The following TCOF1 variants were observed in gnomAD, a reference collection of about 807,000 sequenced individuals.
The protein encoded by TCOF1 is treacle ribosome biogenesis factor 1.
Under a neutral mutation model 149.0 loss-of-function variants are expected in TCOF1, and 33 were observed. The ratio of observed to expected loss-of-function variants is 0.22; its 90% CI spans 0.17 to 0.30. The LOEUF (loss-of-function observed/expected upper bound fraction) is 0.30. Ranked by LOEUF, TCOF1 falls within the 10% of genes least tolerant of loss-of-function variation. The pLI, the probability that TCOF1 is intolerant of heterozygous loss-of-function variation, is 1.00. For missense variants in TCOF1, 1,728 were observed against 1,840.7 expected (o/e 0.94, Z 1.12); for synonymous variants, 789 against 738.8 (o/e 1.07, Z -1.10).
At chr5:150,384,173 C>T (rs1765803568) in intron 17 of TCOF1, 2 of 1,033,910 alleles carry the variant, frequency 1.9e-6, no homozygotes, top group Non-Finnish European at 2.3e-6. Flanking sequence ...ATGCTGTTTG[C>T]ACACCTCCAG....
chr5:150,365,253 C>CTTTTTTTTT (rs991524826), intron 3 of TCOF1, among the ~76,000 whole-genome samples: 1 of 116,494 alleles, frequency 8.6e-6, no homozygotes, highest in Non-Finnish European at 1.8e-5. Flanking sequence ...CTTTTTCTTT[C>CTTTTTTTTT]TTTTTTTTTT....
At chr5:150,375,297 CT>C in intron 10 of TCOF1, 41 bp from the exon 11 acceptor site, 2 of 1,606,590 alleles carry the variant, frequency 1.2e-6, no homozygotes, top group Non-Finnish European at 1.7e-6. Flanking sequence ...TCACATTCTC[CT>C]TCTGGACTCC....
chr5:150,376,282 A>G lies in TCOF1; in HGVS notation c.2094A>G (p.Glu698=), dbSNP rs34796297. 3.7e-3 allele frequency: 6,033 copies of G among 1,614,126 alleles called. 200 individuals carry two copies. In the African/African-American group the frequency reaches 0.07, roughly 19 times the overall value. ...CAGAGGATTCTTCAAGCAGTGAGGAATCAGATAGTGAGGAAGAGAAGACAG... is the reference window on the plus strand; with the variant it reads ...CAGAGGATTCTTCAAGCAGTGAGGAGTCAGATAGTGAGGAAGAGAAGACAG... The part of the protein sequence containing the change: ...RPAEDSSSSE[E]SDSEEEKTGL... The change falls in exon 13 of 27, where the codon GAA becomes GAG. Residue 698 remains glutamate (E), a synonymous_variant. Coordinates refer to ENST00000643257, the MANE Select transcript of TCOF1 (RefSeq NM_001371623.1).
chr5:150,378,705 G>A (rs1377706252), intron 14 of TCOF1, 200 bp from the exon 15 acceptor site: 2 of 664,466 alleles, frequency 3.0e-6, no homozygotes, highest in Non-Finnish European at 5.2e-6. Context: ...TAACCCGTAG[G>A]TGGGCCTTAT....
intron 17 of TCOF1, chr5:150,385,076 A>G (rs1315741047): frequency 1.0e-6 from 1 of 985,302 alleles, no homozygotes; most frequent in Non-Finnish European, 1.2e-6. Flanking sequence ...TAGGTGATAC[A>G]TATGTTAAAT....
chr5:150,375,324 C>G lies in TCOF1; in HGVS notation c.1489-15C>G. On this transcript the variant is annotated splice_polypyrimidine_tract_variant and intron_variant, in intron 10 of 26. Coordinates refer to ENST00000643257, the MANE Select transcript of TCOF1 (RefSeq NM_001371623.1). ...TCTGGACTCCCTCCCTAATCTTGTC[C>G]TTTGTGTCTCCCAGGTGAAGCCCTT... 6.2e-7 allele frequency: 1 copy of G among 1,610,338 alleles called. No individual in the cohort carries two copies. Among genetic ancestry groups the G allele is most frequent in the East Asian group, 2.2e-5 (1 of 44,814 alleles).
chr5:150,392,246 C>T, intron 21 of TCOF1, 70 bp downstream of exon 21: 1 of 1,517,480 alleles, frequency 6.6e-7, no homozygotes, highest in Non-Finnish European at 9.0e-7. Flanking sequence ...GGAGCCATAG[C>T]TCTGGCCTCA....
intron 3 of TCOF1, 85 bp downstream of exon 3, chr5:150,364,337 C>T (rs1162725597): frequency 6.3e-7 from 1 of 1,584,048 alleles, no homozygotes; most frequent in African/African-American, 1.4e-5. Flanking sequence ...TCTCTTATCA[C>T]TAGAAGACCT....
chr5:150,396,159 C>CT lies in TCOF1; in HGVS notation c.3785-122dup, dbSNP rs1407851932. On this transcript the variant is annotated intron_variant, in intron 23 of 26. Coordinates refer to ENST00000643257, the MANE Select transcript of TCOF1 (RefSeq NM_001371623.1). Reference sequence around the variant, plus strand: ...GGCAGAGTGACCGCCAAGCCTTGCTCTCCCCATCTGTGCCATTGTAAGAAA... The same window carrying CT: ...GGCAGAGTGACCGCCAAGCCTTGCTCTTCCCCATCTGTGCCATTGTAAGAAA... 1.1e-5 allele frequency: 12 copies of CT among 1,135,850 alleles called. No individual in the cohort carries two copies. The East Asian group carries it at 2.8e-4, about 27-fold the overall frequency. 70.4% of individuals were successfully genotyped at this position (1,135,850 alleles called of 1,614,324 possible).
At position 150,358,353 on chromosome 5, in the gene TCOF1, A is replaced by G. The variant is rs191482866; in HGVS notation, c.108+499A>G. Among the ~76,000 whole-genome samples the G allele has an allele frequency of 1.4e-3, 205 of 151,798 alleles. 1 individual carries two copies. The highest frequency in any genetic ancestry group is 3.6e-3 in the South Asian group (17 of 4,786). On this transcript the variant is annotated intron_variant, in intron 1 of 26. Transcript: ENST00000643257. ...CTGTACTGAGACGGTCAGCTTTGGT[A>G]CTCGAACTCGTGGTACAGTCATTTC...
intron 1 of TCOF1, 150 bp downstream of exon 1, chr5:150,358,004 C>T: frequency 1.4e-6 from 1 of 711,152 alleles, no homozygotes; most frequent in South Asian, 1.9e-5. Flanking sequence ...CCGGAGGAGC[C>T]GCAATCTCTG....
chr5:150,379,844 G>A, intron 17 of TCOF1, 112 bp downstream of exon 17: 2 of 1,339,164 alleles, frequency 1.5e-6, no homozygotes, highest in Non-Finnish European at 1.0e-6. Context: ...GGCCGAGGCA[G>A]ATGTATCACT....
chr5:150,369,665 C>T (rs556162795), intron 6 of TCOF1, 63 bp downstream of exon 6: 1 of 1,580,126 alleles, frequency 6.3e-7, no homozygotes, highest in African/African-American at 1.3e-5. Context: ...AGGAACCTGT[C>T]TGGGGCTTCA....
chr5:150,393,484 A>G lies in TCOF1; in HGVS notation c.3716A>G (p.Lys1239Arg). 6.2e-7 allele frequency: 1 copy of G among 1,614,220 alleles called. No homozygotes were observed. ...TCAGTTTCCTCTACTCTGGCCGCCA[A>G]AGATGACCCAGATGGCAAGCAGGAG... ...SPSVSSTLAA[K>R]DDPDGKQEAK... Residue 1239 changes from lysine (K) to arginine (R), a missense_variant, in exon 23 of 27, where the codon AAA (lysine) becomes AGA (arginine). Lys to Arg is a conservative substitution (Grantham distance 26, BLOSUM62 2). Around this residue, in one of 2 missense-constraint regions of TCOF1, gnomAD observed 1,696 missense variants for 1,765.4 expected, o/e 0.96. Transcript: ENST00000643257.
intron 1 of TCOF1, among the ~76,000 whole-genome samples, chr5:150,359,852 G>A (rs1303081782): frequency 6.6e-6 from 1 of 152,172 alleles, no homozygotes; most frequent in African/African-American, 2.4e-5. Flanking sequence ...CAGGCAAGGG[G>A]GATAAGGGAT....
chr5:150,392,205 G>A, intron 21 of TCOF1, 29 bp downstream of exon 21: 5 of 1,608,996 alleles, frequency 3.1e-6, no homozygotes, highest in Non-Finnish European at 4.2e-6. Flanking sequence ...AGGCAAGGGT[G>A]GGCCAGGAAG....
intron 17 of TCOF1, chr5:150,383,993 C>A: frequency 7.2e-7 from 1 of 1,395,476 alleles, no homozygotes; most frequent in Non-Finnish European, 9.3e-7. Flanking sequence ...CCTCCTCTAG[C>A]CCCAAGCTCC....
At chr5:150,362,602 G>A (rs1026804741) in intron 2 of TCOF1, among the ~76,000 whole-genome samples, 8 of 152,202 alleles carry the variant, frequency 5.3e-5, no homozygotes, top group African/African-American at 1.9e-4. Context: ...CTAGGTGGAA[G>A]TGGTGGGCTC....
chr5:150,379,861 CAG>C (rs1324948564), intron 17 of TCOF1, 129 bp downstream of exon 17: 2 of 1,194,826 alleles, frequency 1.7e-6, no homozygotes, highest in Non-Finnish European at 2.4e-6. Context: ...CACTTGAGGT[CAG>C]GGGTTCAAGA....
Sources: allele counts gnomAD v4.1 joint callset (sites outside exome capture counted in the v4.1 genomes callset), GRCh38; gene constraint gnomAD v4.1.1; regional missense constraint gnomAD v4.1.1; transcripts MANE v1.5; gene names NCBI Gene and HGNC (gene_info 2026-07-23, HGNC 2026-07-21).